LRGUK: variants seen among roughly 807,000 people sequenced by gnomAD.
LRGUK encodes the protein leucine-rich repeat and guanylate kinase domain-containing protein.
In LRGUK, 65 loss-of-function variants were observed where a neutral mutation model predicts 76.0. That is an observed-to-expected ratio of 0.85 (90% CI 0.70 to 1.05). The LOEUF is 1.05. Ranked by LOEUF, LRGUK falls within the 50% of genes least tolerant of loss-of-function variation. LRGUK has a pLI of 0.00. For missense variants in LRGUK, 758 were observed against 732.8 expected (o/e 1.03, Z -0.40); for synonymous variants, 268 against 265.6 (o/e 1.01, Z -0.09).
intron 10 of LRGUK, among the ~76,000 whole-genome samples, chr7:134,181,269 C>T (rs1180961843): frequency 6.6e-6 from 1 of 151,956 alleles, no homozygotes; most frequent in East Asian, 1.9e-4. Context: ...GTCATTTTTG[C>T]TAAATATAAA....
At chr7:134,201,636 T>C (rs1800777736) in intron 15 of LRGUK, 60 bp downstream of exon 15, 1 of 1,256,070 alleles carries the variant, frequency 8.0e-7, no homozygotes, top group Non-Finnish European at 1.2e-6. Flanking sequence ...GGAAAACAAA[T>C]CTGAGTTGCT....
At chr7:134,218,360 A>G (rs1801491459) in intron 15 of LRGUK, among the ~76,000 whole-genome samples, 1 of 152,190 alleles carries the variant, frequency 6.6e-6, no homozygotes, top group South Asian at 2.1e-4. Context: ...TCAAAGAGAG[A>G]TCAACTCTAG....
At chr7:134,240,794 A>G (rs1182609699) in intron 16 of LRGUK, among the ~76,000 whole-genome samples, 1 of 152,258 alleles carries the variant, frequency 6.6e-6, no homozygotes, top group Non-Finnish European at 1.5e-5. Context: ...TGGTAAGGGC[A>G]GCCAGAGAGA....
At chr7:134,181,318 A>G (rs1317338804) in intron 10 of LRGUK, among the ~76,000 whole-genome samples, 1 of 152,096 alleles carries the variant, frequency 6.6e-6, no homozygotes, top group Admixed American at 6.6e-5. Context: ...TATATTAAAA[A>G]TGTTACTCCA....
rs779667415 is a variant in LRGUK at position 134,257,443 on chromosome 7, C to T, written c.2199-814C>T. On this transcript the variant is annotated intron_variant, in intron 18 of 19. Coordinates refer to the LRGUK transcript ENST00000285928. ...TGAATCCCAAAGGAGAGGAACCTGGCGGTAGGAAGTGTTTGGGCTCAGAGG... is the reference window on the plus strand; with the variant it reads ...TGAATCCCAAAGGAGAGGAACCTGGTGGTAGGAAGTGTTTGGGCTCAGAGG... 3.3e-5 allele frequency among the ~76,000 whole-genome samples: 5 copies of T among 152,082 alleles called. No individual in the cohort carries two copies. The East Asian group carries it at 5.8e-4, about 18-fold the overall frequency.
chr7:134,143,814 A>G (rs1363938967), intron 4 of LRGUK, among the ~76,000 whole-genome samples: 2 of 152,220 alleles, frequency 1.3e-5, no homozygotes, highest in African/African-American at 4.8e-5. Flanking sequence ...GCTTAAATGC[A>G]TGCCCAAATC....
chr7:134,221,963 C>A, intron 16 of LRGUK, 45 bp downstream of exon 16: 1 of 1,442,956 alleles, frequency 6.9e-7, no homozygotes, highest in Admixed American at 2.7e-5. Flanking sequence ...GAGCTCTATA[C>A]AATGTCAGAC....
chr7:134,174,522 A>T (rs899836753), intron 7 of LRGUK, 34 bp from the exon 8 acceptor site: 3 of 1,256,054 alleles, frequency 2.4e-6, no homozygotes, highest in African/African-American at 3.0e-5. Context: ...TTGTGCATTT[A>T]GTCTGTTGAT....
intron 18 of LRGUK, among the ~76,000 whole-genome samples, chr7:134,257,860 T>C (rs1366755534): frequency 6.6e-6 from 1 of 151,890 alleles, no homozygotes; most frequent in Non-Finnish European, 1.5e-5. Flanking sequence ...ATGCCCAGTG[T>C]GAGGTCCAGA....
chr7:134,204,449 T>G (rs990491446), intron 15 of LRGUK, among the ~76,000 whole-genome samples: 1 of 152,240 alleles, frequency 6.6e-6, no homozygotes, highest in Admixed American at 6.5e-5. Flanking sequence ...AACTGAGCCA[T>G]CTAGTTACTG....
At chr7:134,183,257 G>A (rs1235924717) in intron 10 of LRGUK, among the ~76,000 whole-genome samples, 1 of 152,208 alleles carries the variant, frequency 6.6e-6, no homozygotes, top group Non-Finnish European at 1.5e-5. Context: ...ATTAAATGAG[G>A]TAATGGATGT....
chr7:134,182,231 C>T (rs976152746), intron 10 of LRGUK, among the ~76,000 whole-genome samples: 6 of 152,180 alleles, frequency 3.9e-5, no homozygotes, highest in Admixed American at 3.9e-4. Flanking sequence ...GAAAGTATCA[C>T]AGTTACTTGA....
intron 6 of LRGUK, among the ~76,000 whole-genome samples, chr7:134,160,011 T>G (rs1798653549): frequency 6.6e-6 from 1 of 152,206 alleles, no homozygotes; most frequent in Non-Finnish European, 1.5e-5. Flanking sequence ...GAAAAGAAAG[T>G]CAACTTTTAA....
intron 19 of LRGUK, 51 bp from the exon 20 acceptor site, chr7:134,263,794 T>A (rs752171447): frequency 6.5e-7 from 1 of 1,542,180 alleles, no homozygotes; most frequent in Non-Finnish European, 8.8e-7. Flanking sequence ...TTATTCTCTT[T>A]GTACCAAGAA....
chr7:134,148,152 A>G (rs905770062), intron 4 of LRGUK, 86 bp from the exon 5 acceptor site: 3 of 824,004 alleles, frequency 3.6e-6, no homozygotes, highest in Non-Finnish European at 6.0e-6. Flanking sequence ...ACATTCAAAA[A>G]TACCTTCTTC....
intron 7 of LRGUK, among the ~76,000 whole-genome samples, chr7:134,168,556 G>T (rs898027689): frequency 4.6e-5 from 7 of 152,164 alleles, no homozygotes; most frequent in Non-Finnish European, 1.0e-4. Flanking sequence ...GGGAGATGGT[G>T]AATGGAGATC....
At chr7:134,235,823 T>C (rs191584900) in intron 16 of LRGUK, among the ~76,000 whole-genome samples, 134 of 152,326 alleles carry the variant, frequency 8.8e-4, no homozygotes, top group African/African-American at 3.0e-3. Context: ...TCTGTAGAGA[T>C]AATAGTAATC....
chr7:134,187,326 CT>C (rs1268806758), intron 11 of LRGUK, among the ~76,000 whole-genome samples: 10 of 152,160 alleles, frequency 6.6e-5, no homozygotes, highest in African/African-American at 2.4e-4. Flanking sequence ...CATAGAGAGT[CT>C]CATGGTGAAA....
intron 7 of LRGUK, among the ~76,000 whole-genome samples, chr7:134,164,563 A>G (rs1798891208): frequency 6.6e-6 from 1 of 152,248 alleles, no homozygotes; most frequent in African/African-American, 2.4e-5. Flanking sequence ...TTTTATTTAT[A>G]TCGAATACTT....
Sources: allele counts gnomAD v4.1 joint callset (sites outside exome capture counted in the v4.1 genomes callset), GRCh38; gene constraint gnomAD v4.1.1; transcripts MANE v1.5; gene names NCBI Gene and HGNC (gene_info 2026-07-23, HGNC 2026-07-21).